The following NAA11 variants were observed in gnomAD, a reference collection of about 807,000 sequenced individuals.
The protein encoded by NAA11 is N-alpha-acetyltransferase 11.
In NAA11, 15 loss-of-function variants were observed where a neutral mutation model predicts 16.1. The ratio of observed to expected loss-of-function variants is 0.93; its 90% CI spans 0.62 to 1.44. The LOEUF (loss-of-function observed/expected upper bound fraction) is 1.44, where lower values mean the gene tolerates loss of function less well. NAA11 is among the 40% of genes most tolerant of loss of function. The pLI, the probability that NAA11 is intolerant of heterozygous loss-of-function variation, is 0.00. For missense variants in NAA11, 298 were observed against 291.3 expected, an observed-to-expected ratio of 1.02 and a Z score of -0.17; for synonymous variants, 122 against 112.4, an observed-to-expected ratio of 1.09 and a Z score of -0.54.
At chr4:79,246,402 A>AAAAAAG (rs1721834507) in intron 2 of NAA11, among the ~76,000 whole-genome samples, 1 of 34,640 alleles carries the variant, frequency 2.9e-5, no homozygotes, top group Non-Finnish European at 6.0e-5. Flanking sequence ...AAAAAAAAGA[A>AAAAAAG]AAAATAAGAA....
chr4:79,175,189 C>G, the NAA11 span, among the ~76,000 whole-genome samples: 2 of 152,048 alleles, frequency 1.3e-5, no homozygotes, highest in African/African-American at 4.8e-5. Flanking sequence ...CCTTCTAACC[C>G]CAAGCATGGT....
chr4:79,181,851 G>GT, the NAA11 span, among the ~76,000 whole-genome samples: 24 of 152,076 alleles, frequency 1.6e-4, no homozygotes, highest in Non-Finnish European at 2.5e-4. Flanking sequence ...TATTGGATTC[G>GT]TTTTTTTAAA....
the NAA11 span, among the ~76,000 whole-genome samples, chr4:79,165,724 T>C: frequency 6.6e-6 from 1 of 152,214 alleles, no homozygotes; most frequent in Non-Finnish European, 1.5e-5. Context: ...CTGCAGAGAC[T>C]GGAGGAAAAT....
the NAA11 span, among the ~76,000 whole-genome samples, chr4:79,200,226 G>T: frequency 3.3e-5 from 5 of 151,740 alleles, no homozygotes; most frequent in Non-Finnish European, 7.4e-5. Context: ...CTCCCTTATA[G>T]GATTGTTATG....
downstream of NAA11, among the ~76,000 whole-genome samples, chr4:79,223,136 C>A (rs1380615057): frequency 6.6e-6 from 1 of 151,128 alleles, no homozygotes; most frequent in Non-Finnish European, 1.5e-5. Flanking sequence ...CCAGCCATCC[C>A]TTTACTGGGT....
At chr4:79,252,518 G>T (rs528741820) in intron 2 of NAA11, among the ~76,000 whole-genome samples, 4 of 152,084 alleles carry the variant, frequency 2.6e-5, no homozygotes, top group Non-Finnish European at 5.9e-5. Flanking sequence ...AATATAAATG[G>T]CAGGTAAATG....
At chr4:79,220,129 A>G in the NAA11 span, among the ~76,000 whole-genome samples, 1 of 152,124 alleles carries the variant, frequency 6.6e-6, no homozygotes, top group African/African-American at 2.4e-5. Context: ...GTCTCATTCT[A>G]TCACCCAGAC....
At chr4:79,248,561 T>A (rs6826553) in intron 2 of NAA11, among the ~76,000 whole-genome samples, 104,600 of 152,000 alleles carry the variant, frequency 0.69, 38,360 homozygotes, top group East Asian at 0.89. Context: ...GCAAATGTGG[T>A]GACCTCTAGC....
At chr4:79,172,661 A>G in the NAA11 span, among the ~76,000 whole-genome samples, 1 of 152,020 alleles carries the variant, frequency 6.6e-6, no homozygotes, top group Admixed American at 6.6e-5. Flanking sequence ...AGGTTACCAA[A>G]ATTACCTGGG....
At chr4:79,219,065 A>G in the NAA11 span, among the ~76,000 whole-genome samples, 1 of 152,172 alleles carries the variant, frequency 6.6e-6, no homozygotes, top group African/African-American at 2.4e-5. Flanking sequence ...TAAATGGGTT[A>G]TGCCCTTTTA....
the NAA11 span, among the ~76,000 whole-genome samples, chr4:79,214,919 C>G: frequency 6.6e-6 from 1 of 152,210 alleles, no homozygotes; most frequent in East Asian, 1.9e-4. Context: ...AGATGCCACC[C>G]CCTCAATCTT....
chr4:79,166,911 A>G, the NAA11 span, among the ~76,000 whole-genome samples: 1 of 146,690 alleles, frequency 6.8e-6, no homozygotes, highest in South Asian at 2.2e-4. Context: ...ATGCCTGGCC[A>G]GAAATCATCT....
At chr4:79,320,254 A>G (rs981230955) in intron 1 of NAA11, among the ~76,000 whole-genome samples, 3 of 152,230 alleles carry the variant, frequency 2.0e-5, no homozygotes, top group Admixed American at 2.0e-4. Context: ...TATTTTAATC[A>G]TTAAGATGCA....
At chr4:79,213,903 C>G in the NAA11 span, among the ~76,000 whole-genome samples, 1 of 152,068 alleles carries the variant, frequency 6.6e-6, no homozygotes, top group Non-Finnish European at 1.5e-5. Context: ...TATGGAGTGC[C>G]CAATTTGTAG....
At chr4:79,178,163 C>T in the NAA11 span, among the ~76,000 whole-genome samples, 1 of 152,106 alleles carries the variant, frequency 6.6e-6, no homozygotes, top group African/African-American at 2.4e-5. Flanking sequence ...AGAAATTTGA[C>T]TAGAGACAAA....
At chr4:79,309,479 G>T (rs1321392303) in intron 1 of NAA11, among the ~76,000 whole-genome samples, 1 of 151,880 alleles carries the variant, frequency 6.6e-6, no homozygotes, top group Non-Finnish European at 1.5e-5. Flanking sequence ...TATTATATTT[G>T]GTAAAACACA....
the NAA11 span, among the ~76,000 whole-genome samples, chr4:79,167,096 C>T: frequency 3.3e-5 from 3 of 90,326 alleles, no homozygotes; most frequent in South Asian, 8.0e-4. Context: ...GAAGGGGAAA[C>T]GGAAGGGAAA....
intron 2 of NAA11, among the ~76,000 whole-genome samples, chr4:79,266,414 TACTC>T (rs769572749): frequency 6.6e-5 from 10 of 152,180 alleles, no homozygotes; most frequent in Middle Eastern, 3.4e-3. Context: ...AAAAAACAAA[TACTC>T]AGGACTGCCT....
At chr4:79,319,080 A>G (rs1443798091) in intron 1 of NAA11, among the ~76,000 whole-genome samples, 1 of 151,994 alleles carries the variant, frequency 6.6e-6, no homozygotes, top group Admixed American at 6.6e-5. Flanking sequence ...AGTATACACC[A>G]CCACGCTGGC....
Sources: gnomAD v4.1 joint callset for allele counts (sites outside exome capture counted in the v4.1 genomes callset) on GRCh38, gnomAD v4.1.1 for gene constraint, MANE v1.5 for transcripts, NCBI Gene and HGNC (gene_info 2026-07-23, HGNC 2026-07-21) for gene names.